Variants in NRG2 observed in about 807,000 individuals in gnomAD.
NRG2 encodes the protein pro-neuregulin-2, membrane-bound isoform.
Under a neutral mutation model 73.9 loss-of-function variants are expected in NRG2, and 27 were observed. The ratio of observed to expected loss-of-function variants is 0.37; its 90% CI spans 0.27 to 0.50. The LOEUF (loss-of-function observed/expected upper bound fraction) is 0.50, where lower values mean the gene tolerates loss of function less well. Among genes scored for constraint, NRG2 ranks in the 20% least tolerant of loss-of-function variants. NRG2 has a pLI of 0.96. For missense variants in NRG2, 1,126 were observed against 1,210.1 expected (o/e 0.93, Z 1.03); for synonymous variants, 532 against 541.0 (o/e 0.98, Z 0.23).
chr5:139,857,478 T>C (rs534574052), intron 5 of NRG2, among the ~76,000 whole-genome samples: 7 of 152,024 alleles, frequency 4.6e-5, no homozygotes, highest in African/African-American at 1.7e-4. Flanking sequence ...ATCAGACTTG[T>C]TGAGTTTACC....
In NRG2 at chr5:140,042,556, C is replaced by A. The variant is rs773079845; in HGVS notation, c.514G>T (p.Gly172Trp). 6 of 1,611,794 alleles carry A rather than the reference C, an allele frequency of 3.7e-6. No individual in the cohort carries two copies. Among genetic ancestry groups the A allele is most frequent in the Non-Finnish European group, 4.2e-6 (5 of 1,178,856 alleles). The part of the protein sequence containing the change: ...KVLDKWPLRS[G>W]GLQREQVISV... ...ATCACCTGCTCGCGCTGCAGCCCCC[C>A]GCTCCGGAGCGGCCACTTGTCCAGC... The change falls in exon 1 of 10, where the codon GGG becomes TGG. Residue 172 changes from glycine to tryptophan, a missense_variant. This residue lies in a region of NRG2 where 539 missense variants were observed against 703.2 expected (regional missense o/e 0.77). Transcript: ENST00000361474.
At chr5:139,896,891 T>G (rs944474979) in intron 1 of NRG2, among the ~76,000 whole-genome samples, 3 of 152,216 alleles carry the variant, frequency 2.0e-5, no homozygotes, top group Non-Finnish European at 4.4e-5. Context: ...CTGTGATGTC[T>G]GTAGAGAAAG....
At chr5:139,952,962 C>T (rs1218595332) in intron 1 of NRG2, among the ~76,000 whole-genome samples, 1 of 152,164 alleles carries the variant, frequency 6.6e-6, no homozygotes, top group East Asian at 1.9e-4. Context: ...GTCATAACCT[C>T]ATTGTGCGGC....
In NRG2 at chr5:139,868,092, G is replaced by C. The variant is rs1762605471; in HGVS notation, c.1113-2467C>G. 6.6e-6 allele frequency among the ~76,000 whole-genome samples: 1 copy of C among 151,994 alleles called. No individual in the cohort carries two copies. Among genetic ancestry groups the C allele is most frequent in the Non-Finnish European group, 1.5e-5 (1 of 67,994 alleles). On this transcript the variant is annotated intron_variant, in intron 4 of 9. Transcript: ENST00000361474. This position sits in a 1 kb window ranked among gnomAD's most constrained non-coding sequence, Gnocchi z 4.2. ...CCTTCCTTGAGAAAATGTGCTCCCCGCTGGCTGAACAAAACAAAAGGCACT... is the reference window on the plus strand; with the variant it reads ...CCTTCCTTGAGAAAATGTGCTCCCCCCTGGCTGAACAAAACAAAAGGCACT...
rs1761446047 is a variant in NRG2 at position 139,851,729 on chromosome 5, G to A, written c.1647C>T (p.Ser549=). 1.9e-6 allele frequency: 3 copies of A among 1,614,260 alleles called. No individual in the cohort carries two copies. Among genetic ancestry groups the A allele is most frequent in the Non-Finnish European group, 2.5e-6 (3 of 1,180,048 alleles). The change falls in exon 9 of 10, where the codon AGC becomes AGT. Residue 549 remains serine, a synonymous_variant. Transcript: ENST00000361474. This position sits in a 1 kb window ranked among gnomAD's most constrained non-coding sequence, Gnocchi z 4.2. ...TTGCCCGGGCCTCCACACATGCTGG[G>A]CTGTTGCATTTGCTGGTACCCACTG... ...LSSVGTSKCN[S]PACVEARARR...
intron 1 of NRG2, among the ~76,000 whole-genome samples, chr5:139,940,217 A>G (rs1753282446): frequency 6.6e-6 from 1 of 152,268 alleles, no homozygotes; most frequent in Non-Finnish European, 1.5e-5. Flanking sequence ...GGGAATGGAT[A>G]GACACATTGT....
At chr5:140,014,165 G>C (rs1019222092) in intron 1 of NRG2, among the ~76,000 whole-genome samples, 4 of 152,018 alleles carry the variant, frequency 2.6e-5, no homozygotes, top group African/African-American at 9.7e-5. Flanking sequence ...CCCAAAATTT[G>C]ATCCACTCAG....
At chr5:139,885,207 C>T (rs1763785076) in intron 2 of NRG2, among the ~76,000 whole-genome samples, 2 of 152,040 alleles carry the variant, frequency 1.3e-5, no homozygotes, top group South Asian at 4.2e-4. Context: ...GTGAAATCAC[C>T]CACAGGCGGA....
At chr5:140,014,505 G>A (rs1046750846) in intron 1 of NRG2, among the ~76,000 whole-genome samples, 14 of 152,216 alleles carry the variant, frequency 9.2e-5, no homozygotes, top group South Asian at 2.1e-4. Context: ...CCAAAGTGCC[G>A]GGATTACAGG....
intron 1 of NRG2, among the ~76,000 whole-genome samples, chr5:140,024,386 C>G (rs1044052981): frequency 6.6e-6 from 1 of 151,944 alleles, no homozygotes; most frequent in East Asian, 1.9e-4. Flanking sequence ...TCCAGAGTAG[C>G]TGGGACTACA....
intron 1 of NRG2, among the ~76,000 whole-genome samples, chr5:139,988,376 G>A (rs1453913039): frequency 6.6e-6 from 1 of 151,902 alleles, no homozygotes; most frequent in Non-Finnish European, 1.5e-5. Context: ...TTCTATAATT[G>A]CCAAAACTTG....
intron 1 of NRG2, among the ~76,000 whole-genome samples, chr5:140,024,989 G>A (rs1043008573): frequency 3.3e-5 from 5 of 152,132 alleles, no homozygotes; most frequent in Non-Finnish European, 5.9e-5. Flanking sequence ...ACAATTTGCT[G>A]AAAACAAAAG....
chr5:139,857,264 C>T (rs2127018349), intron 5 of NRG2, among the ~76,000 whole-genome samples: 1 of 152,346 alleles, frequency 6.6e-6, no homozygotes, highest in South Asian at 2.1e-4. Context: ...TTTCCTGCAC[C>T]TGCCCTCTCT....
At chr5:139,957,979 C>T (rs1201990906) in intron 1 of NRG2, among the ~76,000 whole-genome samples, 6 of 152,078 alleles carry the variant, frequency 3.9e-5, no homozygotes, top group Non-Finnish European at 5.9e-5. Context: ...TCTGGATTCT[C>T]ACTCTGGTGG....
At chr5:139,858,166 C>T (rs1761922113) in intron 5 of NRG2, among the ~76,000 whole-genome samples, 1 of 152,228 alleles carries the variant, frequency 6.6e-6, no homozygotes, top group Non-Finnish European at 1.5e-5. Context: ...GCTGCTTGGT[C>T]CCAGCCTTCC....
chr5:139,978,149 G>A lies in NRG2; in HGVS notation c.700+64221C>T, dbSNP rs1157949289. The stretch of plus-strand genomic sequence containing the variant: ...CAGCAAAAGAAACTACCATCAGAGG[G>A]AACAGGCAACCTACAGAATGGGAGA... On this transcript the variant is annotated intron_variant, in intron 1 of 9. Transcript: ENST00000361474. Among the ~76,000 whole-genome samples, 4 of 152,244 alleles carry A rather than the reference G, an allele frequency of 2.6e-5. No individual in the cohort carries two copies. In the East Asian group the frequency reaches 7.7e-4, roughly 29 times the overall value.
rs947100148 is a variant in NRG2 at position 139,856,564 on chromosome 5, CCCA to C, written c.1190-789_1190-787del. On this transcript the variant is annotated intron_variant, in intron 5 of 9. Transcript: ENST00000361474. This position sits in a 1 kb window ranked among gnomAD's most constrained non-coding sequence, Gnocchi z 4.2. ...CTACAGCCCGGAGACCCCACCCGTG[CCCA>C]CCACACCTGCTGGCTGGCCCCTCCT... Among the ~76,000 whole-genome samples the C allele has an allele frequency of 6.6e-6, 1 of 152,184 alleles. No homozygotes were observed. Among genetic ancestry groups the C allele is most frequent in the African/African-American group, 2.4e-5 (1 of 41,440 alleles).
chr5:139,859,594 G>T (rs749061141), intron 5 of NRG2, among the ~76,000 whole-genome samples: 1 of 151,990 alleles, frequency 6.6e-6, no homozygotes, highest in Non-Finnish European at 1.5e-5. Flanking sequence ...GCTCAGGAGG[G>T]GGCCCTCCCC....
intron 3 of NRG2, among the ~76,000 whole-genome samples, chr5:139,873,730 C>T (rs1763003245): frequency 6.6e-6 from 1 of 152,280 alleles, no homozygotes; most frequent in Non-Finnish European, 1.5e-5. Flanking sequence ...GTGGCACAGA[C>T]TGCCCACTGC....
Sources: gnomAD v4.1 joint callset for allele counts (sites outside exome capture counted in the v4.1 genomes callset) on GRCh38, gnomAD v4.1.1 for gene constraint, gnomAD v4.1.1 regional missense constraint, Gnocchi (gnomAD v3.1) non-coding constraint, MANE v1.5 for transcripts, NCBI Gene and HGNC (gene_info 2026-07-23, HGNC 2026-07-21) for gene names.